The following ELAVL1 variants were observed in gnomAD, a reference collection of about 807,000 sequenced individuals.
ELAVL1 encodes the protein ELAV like RNA binding protein 1.
A neutral mutation model predicts 28.4 loss-of-function variants in ELAVL1; 1 was observed. That is an observed-to-expected ratio of 0.04 (90% CI 0.01 to 0.17). The LOEUF (loss-of-function observed/expected upper bound fraction) is 0.17. ELAVL1 is among the 10% of genes least tolerant of loss of function. ELAVL1 has a pLI of 1.00. For missense variants in ELAVL1, 157 were observed against 447.2 expected, an observed-to-expected ratio of 0.35 and a Z score of 5.85; for synonymous variants, 174 against 183.5, an observed-to-expected ratio of 0.95 and a Z score of 0.42.
intron 5 of ELAVL1, among the ~76,000 whole-genome samples, chr19:7,964,281 T>C (rs1036378710): frequency 6.6e-5 from 10 of 152,112 alleles, no homozygotes; most frequent in Non-Finnish European, 7.4e-5. Flanking sequence ...CCCCCAAGCG[T>C]TGACAGCCCA....
chr19:7,986,467 G>T (rs1047100428), intron 2 of ELAVL1, among the ~76,000 whole-genome samples: 8 of 152,228 alleles, frequency 5.3e-5, no homozygotes, highest in African/African-American at 2.4e-5. Context: ...ACCCTGATCG[G>T]ATGTCGCTCG....
At position 7,978,029 on chromosome 19, in the gene ELAVL1, C is replaced by A. The variant is rs562196816; in HGVS notation, c.276+3054G>T. On this transcript the variant is annotated intron_variant, in intron 3 of 5. Transcript: ENST00000407627. ...TTTCTTGAGGGAGCCTCCTCTGGCA[C>A]TGGCCACTATTATAGGCTCCTAAGC... Among the ~76,000 whole-genome samples, 402 of 152,382 alleles carry A rather than the reference C, an allele frequency of 2.6e-3. 1 individual carries two copies. The highest frequency in any genetic ancestry group is 9.5e-3 in the African/African-American group (394 of 41,594).
intron 2 of ELAVL1, among the ~76,000 whole-genome samples, chr19:7,989,113 G>A (rs1488745184): frequency 6.6e-6 from 1 of 152,188 alleles, no homozygotes; most frequent in African/African-American, 2.4e-5. Flanking sequence ...CTGCCTGGCC[G>A]GGTGAGAGGC....
In ELAVL1 at chr19:7,962,908, C is replaced by T. The variant is rs1366130164; in HGVS notation, c.*575G>A. On this transcript the variant is annotated 3_prime_UTR_variant, in exon 6 of 6. Transcript: ENST00000407627. ...GTGGCCCCCGGCCCCAGTGGTGGCC[C>T]ACGCTGGACGGGCCCGCCGCCATTC... is the stretch of plus-strand genomic sequence containing the variant. 1 of 152,920 alleles carries T rather than the reference C, an allele frequency of 6.5e-6. No homozygotes were observed. Among genetic ancestry groups the T allele is most frequent in the Admixed American group, 6.5e-5 (1 of 15,300 alleles). 9.5% of individuals were successfully genotyped at this position (152,920 alleles called of 1,614,324 possible). A position where few individuals can be genotyped will look rare whatever the true frequency, so the allele number is the denominator to read the frequency against.
intron 2 of ELAVL1, among the ~76,000 whole-genome samples, chr19:7,983,285 T>C (rs567556509): frequency 1.3e-5 from 2 of 152,180 alleles, no homozygotes; most frequent in African/African-American, 2.4e-5. Context: ...GTGGAGCGAA[T>C]TGGGATCGCA....
rs546501221 is a variant in ELAVL1 at position 7,979,358 on chromosome 19, C to G, written c.276+1725G>C. On this transcript the variant is annotated intron_variant, in intron 3 of 5. Transcript: ENST00000407627. The surrounding 1 kb of genome is among the most constrained non-coding windows in gnomAD (Gnocchi z 5.4). ...GGTCCCGTGAGGCTCTGGCTCCAAA[C>G]TCAGGCAGCCACTCCAGCCTTTCCC... Among the ~76,000 whole-genome samples, 2 of 152,352 alleles carry G rather than the reference C, an allele frequency of 1.3e-5. No homozygotes were observed. Among genetic ancestry groups the G allele is most frequent in the South Asian group, 4.1e-4 (2 of 4,830 alleles).
At chr19:7,970,822 A>C (rs1372525998) in intron 4 of ELAVL1, among the ~76,000 whole-genome samples, 1 of 151,998 alleles carries the variant, frequency 6.6e-6, no homozygotes, top group African/African-American at 2.4e-5. Context: ...TTGGCCTCCC[A>C]AAGTATTAGG....
intron 4 of ELAVL1, among the ~76,000 whole-genome samples, chr19:7,971,828 T>C (rs894122106): frequency 2.6e-5 from 4 of 152,128 alleles, no homozygotes; most frequent in Non-Finnish European, 5.9e-5. Context: ...GTGGGGTTCC[T>C]ACAGCCGGAA....
Position 7,959,020 on chromosome 19 carries a change from C to T in ELAVL1, c.*4463G>A, listed in dbSNP as rs1359154483. On this transcript the variant is annotated 3_prime_UTR_variant, in exon 6 of 6. Transcript: ENST00000407627. The stretch of plus-strand genomic sequence containing the variant: ...TTATCAAAATCTAGGTTTGCTTTTT[C>T]CTCCTAAAACACTAAAGAACATTTA... 1 of 152,348 alleles carries T rather than the reference C, an allele frequency of 6.6e-6. No individual in the cohort carries two copies. Among genetic ancestry groups the T allele is most frequent in the African/African-American group, 2.4e-5 (1 of 41,124 alleles). 9.4% of individuals were successfully genotyped at this position (152,348 alleles called of 1,614,324 possible). A position where few individuals can be genotyped will look rare whatever the true frequency, so the allele number is the denominator to read the frequency against.
chr19:7,988,389 A>G (rs1371170609), intron 2 of ELAVL1, among the ~76,000 whole-genome samples: 2 of 152,092 alleles, frequency 1.3e-5, no homozygotes, highest in Admixed American at 1.3e-4. Flanking sequence ...CTTTGGAAGA[A>G]GAGGAGAATG....
At chr19:8,001,856 C>T (rs779429425) in intron 1 of ELAVL1, among the ~76,000 whole-genome samples, 2 of 152,176 alleles carry the variant, frequency 1.3e-5, no homozygotes, top group East Asian at 3.9e-4. Flanking sequence ...ATATCAACCA[C>T]GTGCCAGGCA....
chr19:7,966,760 A>C (rs1599664256), intron 5 of ELAVL1, among the ~76,000 whole-genome samples: 1 of 150,050 alleles, frequency 6.7e-6, no homozygotes, highest in East Asian at 2.0e-4. Flanking sequence ...GCTGGGACTA[A>C]AGGCCAGCAT....
chr19:8,005,155 G>A (rs12976789), intron 1 of ELAVL1, among the ~76,000 whole-genome samples: 4 of 152,096 alleles, frequency 2.6e-5, no homozygotes, highest in African/African-American at 4.8e-5. Context: ...GCGCTCCCCC[G>A]TAGCTGGCCC....
chr19:7,999,578 G>A (rs1252626852), intron 1 of ELAVL1, among the ~76,000 whole-genome samples: 1 of 152,178 alleles, frequency 6.6e-6, no homozygotes, highest in Non-Finnish European at 1.5e-5. Flanking sequence ...CCCAGGCAAA[G>A]CCAGGGTGTG....
At position 7,968,600 on chromosome 19, in the gene ELAVL1, T is replaced by C. The variant is rs573273178; in HGVS notation, c.431-810A>G. On this transcript the variant is annotated intron_variant, in intron 4 of 5. Coordinates refer to ENST00000407627, the MANE Select transcript of ELAVL1 (RefSeq NM_001419.3). ...CAGCAGCCAAGCCCAGAGGGCATCTTCTCTTGCCACCTCAACTGAGCCACC... is the reference window on the plus strand; with the variant it reads ...CAGCAGCCAAGCCCAGAGGGCATCTCCTCTTGCCACCTCAACTGAGCCACC... Among the ~76,000 whole-genome samples the C allele has an allele frequency of 3.3e-5, 5 of 152,324 alleles. No homozygotes were observed. In the South Asian group the frequency reaches 1.0e-3, roughly 32 times the overall value.
Position 7,963,889 on chromosome 19 carries a change from A to G in ELAVL1, c.657-82T>C. ...GGCAAGGCCTGGACGCATGCTGACC[A>G]TGGCCGCTGGGCCCCATCCCGCTCT... On this transcript the variant is annotated intron_variant, in intron 5 of 5. Transcript: ENST00000407627. The surrounding 1 kb of genome is among the most constrained non-coding windows in gnomAD (Gnocchi z 4.5). 6.8e-7 allele frequency: 1 copy of G among 1,462,206 alleles called. No homozygotes were observed. Among genetic ancestry groups the G allele is most frequent in the South Asian group, 1.3e-5 (1 of 75,940 alleles). 90.6% of individuals were successfully genotyped at this position (1,462,206 alleles called of 1,614,324 possible).
chr19:7,979,487 T>A lies in ELAVL1; in HGVS notation c.276+1596A>T, dbSNP rs1483095682. Among the ~76,000 whole-genome samples the A allele has an allele frequency of 6.6e-6, 1 of 152,236 alleles. No individual in the cohort carries two copies. Among genetic ancestry groups the A allele is most frequent in the Non-Finnish European group, 1.5e-5 (1 of 68,048 alleles). On this transcript the variant is annotated intron_variant, in intron 3 of 5. Coordinates refer to ENST00000407627, the MANE Select transcript of ELAVL1 (RefSeq NM_001419.3). The surrounding 1 kb of genome is among the most constrained non-coding windows in gnomAD (Gnocchi z 5.4). ...CAGCTGTGCAGGAATAATCAAGCGT[T>A]CTGCTCCACACCTCAGCCTGGCTGC...
intron 1 of ELAVL1, among the ~76,000 whole-genome samples, chr19:7,995,833 T>C (rs1156345295): frequency 1.3e-5 from 2 of 151,900 alleles, no homozygotes; most frequent in Admixed American, 6.6e-5. Context: ...TTTGAAACTT[T>C]TGCTCTGTGA....
At chr19:7,972,789 G>A (rs2145205716) in intron 4 of ELAVL1, 1 of 137,086 alleles carries the variant, frequency 7.3e-6, no homozygotes, top group South Asian at 2.3e-4. Context: ...ACCGCACCTG[G>A]CTGCAGTATC....
Sources: allele counts gnomAD v4.1 joint callset (sites outside exome capture counted in the v4.1 genomes callset), GRCh38; gene constraint gnomAD v4.1.1; non-coding constraint Gnocchi (gnomAD v3.1); transcripts MANE v1.5; gene names NCBI Gene and HGNC (gene_info 2026-07-23, HGNC 2026-07-21).